The following CERCAM variants were observed in gnomAD, a reference collection of about 807,000 sequenced individuals.
The protein encoded by CERCAM is inactive glycosyltransferase 25 family member 3.
Under a neutral mutation model 66.0 loss-of-function variants are expected in CERCAM, and 59 were observed. The observed-to-expected ratio is 0.89, with a 90% confidence interval of 0.73 to 1.11. The LOEUF is 1.11. Among genes scored for constraint, CERCAM ranks in the 50% most tolerant of loss-of-function variants. The pLI is 0.00. For synonymous variants in CERCAM, 318 were observed against 343.6 expected, an observed-to-expected ratio of 0.93 and a Z score of 0.83; for missense variants, 840 against 828.3, an observed-to-expected ratio of 1.01 and a Z score of -0.17.
At chr9:128,432,426 C>G (rs373760947) in intron 9 of CERCAM, among the ~76,000 whole-genome samples, 15 of 150,050 alleles carry the variant, frequency 1.0e-4, no homozygotes, top group Admixed American at 7.3e-4. Context: ...GCTCTGGCAC[C>G]CAGGCGGGAG....
chr9:128,427,388 CAG>C (rs1238335817), intron 5 of CERCAM, among the ~76,000 whole-genome samples: 1 of 151,180 alleles, frequency 6.6e-6, no homozygotes, highest in Non-Finnish European at 1.5e-5. Context: ...GCTGGGATTA[CAG>C]GCGTGAGCTA....
intron 5 of CERCAM, among the ~76,000 whole-genome samples, chr9:128,425,182 G>A (rs1049155765): frequency 1.2e-4 from 18 of 151,486 alleles, no homozygotes; most frequent in Non-Finnish European, 1.9e-4. Context: ...TCAGCCTCCC[G>A]AGTAGCTGGG....
chr9:128,434,085 C>T lies in CERCAM; in HGVS notation c.1204-17C>T. On this transcript the variant is annotated splice_polypyrimidine_tract_variant and intron_variant, in intron 9 of 12. Coordinates refer to ENST00000372838, the MANE Select transcript of CERCAM (RefSeq NM_016174.5). This position sits in a 1 kb window ranked among gnomAD's most constrained non-coding sequence, Gnocchi z 4.5. ...TTAACTCCGAAGAGCCATCTCCCAC[C>T]CCATTGTATGCCACAGGTGGTTGCC... 1 of 1,613,606 alleles carries T rather than the reference C, an allele frequency of 6.2e-7. No homozygotes were observed. The highest frequency in any genetic ancestry group is 8.5e-7 in the Non-Finnish European group (1 of 1,179,756).
intron 7 of CERCAM, 40 bp from the exon 8 acceptor site, chr9:128,428,890 G>A (rs779871317): frequency 6.2e-6 from 10 of 1,606,666 alleles, no homozygotes; most frequent in African/African-American, 2.7e-5. Context: ...CTCCTCTTCC[G>A]CTCCCTTGCA....
At chr9:128,431,851 C>G (rs993793925) in intron 9 of CERCAM, 1 of 152,760 alleles carries the variant, frequency 6.5e-6, no homozygotes, top group South Asian at 2.1e-4. Context: ...CAAGAAGCCT[C>G]GGCCCAGGGG....
intron 11 of CERCAM, among the ~76,000 whole-genome samples, chr9:128,435,086 C>A (rs563485561): frequency 1.1e-4 from 16 of 152,192 alleles, no homozygotes; most frequent in Admixed American, 3.9e-4. Flanking sequence ...CTCCGCCTCC[C>A]AGGTTCAACT....
chr9:128,428,806 G>A lies in CERCAM; in HGVS notation c.936G>A (p.Lys312=). The A allele has an allele frequency of 1.2e-6, 2 of 1,614,010 alleles. No individual in the cohort carries two copies. The highest frequency in any genetic ancestry group is 2.2e-5 in the South Asian group (2 of 91,086). ...CAGCTCATGTGACTCGGCCCTCTAA[G>A]AGGCCCAGCAAGATAGGGTTTGACG... ...QASAHVTRPS[K]RPSKIGFDEV... is the part of the protein sequence containing the mutation. Residue 312 remains lysine (K), a synonymous_variant, in exon 7 of 13, where the codon AAG becomes AAA. Transcript: ENST00000372838.
intron 1 of CERCAM, chr9:128,421,411 C>A: frequency 9.3e-7 from 1 of 1,071,914 alleles, no homozygotes; most frequent in Non-Finnish European, 1.1e-6. Flanking sequence ...CCAGTGGGAC[C>A]TGTGGTTGGC....
At chr9:128,424,729 G>T in intron 5 of CERCAM, 115 bp downstream of exon 5, 1 of 920,074 alleles carries the variant, frequency 1.1e-6, no homozygotes, top group Non-Finnish European at 1.7e-6. Context: ...TAACCCATGA[G>T]TTACAACTTT....
chr9:128,422,699 T>G (rs1293664440), intron 1 of CERCAM, 169 bp from the exon 2 acceptor site: 14 of 669,796 alleles, frequency 2.1e-5, no homozygotes, highest in Non-Finnish European at 2.5e-5. Flanking sequence ...CACAGAACTG[T>G]GGTGGGGACC....
chr9:128,425,657 A>T (rs899425124), intron 5 of CERCAM, among the ~76,000 whole-genome samples: 1 of 151,650 alleles, frequency 6.6e-6, no homozygotes, highest in African/African-American at 2.4e-5. Flanking sequence ...GATTACAGGC[A>T]TGCACTGCCA....
In CERCAM at chr9:128,435,798, C is replaced by T. The variant is rs756148997; in HGVS notation, c.1681C>T (p.Arg561Cys). ...TSSPWDDDSG[R>C]LISWSGSQKT... Reference sequence around the variant, plus strand: ...CTCTCCATGGGATGATGACAGCGGCCGCCTCATCAGCTGGAGCGGCTCCCA... The same window carrying T: ...CTCTCCATGGGATGATGACAGCGGCTGCCTCATCAGCTGGAGCGGCTCCCA... The change falls in exon 12 of 13, where the codon CGC (arginine) becomes TGC (cysteine). Residue 561 changes from arginine to cysteine, a missense_variant. Transcript: ENST00000372838. 1.5e-5 allele frequency: 24 copies of T among 1,612,410 alleles called. 1 individual carries two copies. The highest frequency in any genetic ancestry group is 4.4e-5 in the South Asian group (4 of 90,840).
chr9:128,435,711 C>T lies in CERCAM; in HGVS notation c.1594C>T (p.Leu532=), dbSNP rs759285199. The T allele has an allele frequency of 1.9e-6, 3 of 1,613,626 alleles. No individual in the cohort carries two copies. The African/African-American group carries it at 4.0e-5, about 22-fold the overall frequency. ...RDLVAFSAQP[L]LAAPTHYAGD... is the part of the protein sequence containing the mutation. Reference sequence around the variant, plus strand: ...CCTGGTGGCCTTCTCCGCCCAGCCCCTGCTCGCTGCCCCTACCCACTATGC... The same window carrying T: ...CCTGGTGGCCTTCTCCGCCCAGCCCTTGCTCGCTGCCCCTACCCACTATGC... Residue 532 remains leucine, a synonymous_variant, in exon 12 of 13, where the codon CTG becomes TTG. Transcript: ENST00000372838.
rs1834026292 is a variant in CERCAM, at chr9:128,433,358, G to A, written c.1204-744G>A. On this transcript the variant is annotated intron_variant, in intron 9 of 12. Transcript: ENST00000372838. ...CCCAGCTACTTGGGAGGCTGAGGCA[G>A]GAGAATCACTTGAACCCGGGAGGCA... Among the ~76,000 whole-genome samples, 2 of 152,074 alleles carry A rather than the reference G, an allele frequency of 1.3e-5. 1 individual carries two copies. Among genetic ancestry groups the A allele is most frequent in the South Asian group, 4.1e-4 (2 of 4,828 alleles).
intron 3 of CERCAM, 151 bp downstream of exon 3, chr9:128,423,414 C>T (rs1833759308): frequency 1.1e-5 from 7 of 650,264 alleles, no homozygotes; most frequent in Admixed American, 5.1e-5. Flanking sequence ...GTCAGAAGTT[C>T]GAGACCAGCC....
intron 12 of CERCAM, among the ~76,000 whole-genome samples, chr9:128,436,340 C>T (rs943834688): frequency 1.3e-5 from 2 of 152,138 alleles, no homozygotes; most frequent in African/African-American, 2.4e-5. Flanking sequence ...TCCCGCGTCC[C>T]GGATTCAAGC....
rs762626461 is a variant in CERCAM at position 128,424,110 on chromosome 9, T to C, written c.427-28T>C. ...TGGGGGGCTGCAGCCCAGGCAGGGC[T>C]GGAGCCTGTGACGTCCCCTCCTCAA... On this transcript the variant is annotated intron_variant, in intron 3 of 12. Transcript: ENST00000372838. 9 of 1,609,140 alleles carry C rather than the reference T, an allele frequency of 5.6e-6. No individual in the cohort carries two copies. The Admixed American group carries it at 1.2e-4, about 21-fold the overall frequency.
chr9:128,424,244 C>A lies in CERCAM; in HGVS notation c.533C>A (p.Ser178Tyr), dbSNP rs760663247. 25 of 1,614,042 alleles carry A rather than the reference C, an allele frequency of 1.5e-5. No homozygotes were observed. The highest frequency in any genetic ancestry group is 2.2e-5 in the East Asian group (1 of 44,898). The change falls in exon 4 of 13, where the codon TCC (serine) becomes TAC (tyrosine). Residue 178 changes from serine to tyrosine, a missense_variant. Coordinates refer to ENST00000372838, the MANE Select transcript of CERCAM (RefSeq NM_016174.5). ...ATGCTGGACTCCCAGACCTACTACT[C>A]CAACTTCTGGTGTGGGATCACCCCC... The part of the protein sequence containing the change: ...APMLDSQTYY[S>Y]NFWCGITPQG...
intron 12 of CERCAM, 87 bp downstream of exon 12, chr9:128,435,992 T>G: frequency 7.3e-7 from 1 of 1,371,528 alleles, no homozygotes; most frequent in South Asian, 1.5e-5. Flanking sequence ...GGGGCTGTTT[T>G]CCCCTTCTCA....
Sources: allele counts gnomAD v4.1 joint callset (sites outside exome capture counted in the v4.1 genomes callset), GRCh38; gene constraint gnomAD v4.1.1; non-coding constraint Gnocchi (gnomAD v3.1); transcripts MANE v1.5; gene names NCBI Gene and HGNC (gene_info 2026-07-23, HGNC 2026-07-21).